Variants in AIM2 observed in about 807,000 individuals in gnomAD.
AIM2 encodes the protein interferon-inducible protein AIM2.
AIM2 carries 30 observed loss-of-function variants against 27.7 expected under a neutral mutation model. The ratio of observed to expected loss-of-function variants is 1.08; its 90% CI spans 0.81 to 1.47. The LOEUF is 1.47. Among genes scored for constraint, AIM2 ranks in the 40% most tolerant of loss-of-function variants. The pLI, the probability that AIM2 is intolerant of heterozygous loss-of-function variation, is 0.00. For missense variants in AIM2, 358 were observed against 411.3 expected, an observed-to-expected ratio of 0.87 and a Z score of 1.12; for synonymous variants, 141 against 145.3, an observed-to-expected ratio of 0.97 and a Z score of 0.21.
At chr1:159,133,549 A>G (rs1206043254) in intron 1 of AIM2, among the ~76,000 whole-genome samples, 2 of 151,896 alleles carry the variant, frequency 1.3e-5, no homozygotes, top group Non-Finnish European at 2.9e-5. Context: ...AACTCCCTCC[A>G]TCTGCTTTTT....
At chr1:159,061,031 T>C (rs1482117345), downstream of AIM2, among the ~76,000 whole-genome samples, 3 of 152,218 alleles carry the variant, frequency 2.0e-5, no homozygotes, top group African/African-American at 7.2e-5. Flanking sequence ...TTGCTCTGTA[T>C]CCTTCTCAGA....
intron 2 of AIM2, among the ~76,000 whole-genome samples, chr1:159,072,051 G>T (rs183999375): frequency 1.8e-4 from 28 of 152,330 alleles, no homozygotes; most frequent in African/African-American, 6.5e-4. Context: ...CAAAATAAAA[G>T]ATATTTCTAA....
intron 1 of AIM2, among the ~76,000 whole-genome samples, chr1:159,111,729 G>A (rs1408755592): frequency 6.7e-6 from 1 of 149,812 alleles, no homozygotes; most frequent in Non-Finnish European, 1.5e-5. Context: ...TTGGGAGGCC[G>A]AAGCGGGTGG....
chr1:159,139,633 G>A (rs1570985883), intron 1 of AIM2, among the ~76,000 whole-genome samples: 2 of 152,278 alleles, frequency 1.3e-5, no homozygotes, highest in Non-Finnish European at 2.9e-5. Flanking sequence ...GAAATGACAA[G>A]ACAAAATCAG....
At chr1:159,063,712 G>A in intron 4 of AIM2, 38 bp from the exon 5 acceptor site, 1 of 1,586,704 alleles carries the variant, frequency 6.3e-7, no homozygotes, top group African/African-American at 1.4e-5. Flanking sequence ...CTGATAATCG[G>A]ATTAATGAAT....
upstream of AIM2, among the ~76,000 whole-genome samples, chr1:159,141,775 TG>T (rs200010084): frequency 3.5e-4 from 52 of 150,478 alleles, no homozygotes; most frequent in African/African-American, 1.1e-3. Context: ...CTCTGAGCGG[TG>T]GGGGGGGACA....
chr1:159,071,034 T>C (rs912701826), intron 2 of AIM2, among the ~76,000 whole-genome samples: 42 of 152,368 alleles, frequency 2.8e-4, no homozygotes, highest in African/African-American at 9.6e-4. Context: ...TGCACATTGT[T>C]ACTGATTATT....
chr1:159,101,822 A>G (rs923723732), intron 1 of AIM2, among the ~76,000 whole-genome samples: 5 of 152,130 alleles, frequency 3.3e-5, no homozygotes, highest in African/African-American at 1.2e-4. Context: ...GGTGGGAGAA[A>G]TTTCTAAGTG....
At chr1:159,087,471 C>A (rs1481240603) in intron 1 of AIM2, among the ~76,000 whole-genome samples, 1 of 152,030 alleles carries the variant, frequency 6.6e-6, no homozygotes, top group African/African-American at 2.4e-5. Context: ...TTATAGCCCA[C>A]CATTTATATT....
chr1:159,067,886 T>C (rs974854119), intron 3 of AIM2, among the ~76,000 whole-genome samples: 6 of 152,122 alleles, frequency 3.9e-5, no homozygotes, highest in Non-Finnish European at 7.4e-5. Flanking sequence ...CCCTCAGGAC[T>C]AAAGTAATCA....
chr1:159,089,442 A>G (rs1420435297), intron 1 of AIM2, among the ~76,000 whole-genome samples: 4 of 152,234 alleles, frequency 2.6e-5, no homozygotes, highest in Non-Finnish European at 5.9e-5. Context: ...ATAAAAACCA[A>G]GGTAGATCAG....
intron 1 of AIM2, among the ~76,000 whole-genome samples, chr1:159,074,253 T>A (rs1442755324): frequency 6.6e-6 from 1 of 152,214 alleles, no homozygotes; most frequent in East Asian, 1.9e-4. Context: ...ATTTAAGAAA[T>A]CTTTTCCAAT....
upstream of AIM2, among the ~76,000 whole-genome samples, chr1:159,145,413 A>C (rs1034369125): frequency 1.3e-5 from 2 of 152,218 alleles, no homozygotes; most frequent in Non-Finnish European, 2.9e-5. Context: ...TGTCAGCCTG[A>C]CTGCAGATTG....
At chr1:159,141,992 C>T (rs535389927), upstream of AIM2, among the ~76,000 whole-genome samples, 1 of 152,304 alleles carries the variant, frequency 6.6e-6, no homozygotes, top group South Asian at 2.1e-4. Flanking sequence ...ACGAAAATCT[C>T]TCGATTCTCA....
intron 1 of AIM2, among the ~76,000 whole-genome samples, chr1:159,135,620 G>T (rs1293904529): frequency 6.6e-6 from 1 of 152,120 alleles, no homozygotes; most frequent in Non-Finnish European, 1.5e-5. Flanking sequence ...ATACATAATA[G>T]AAAATTTTTT....
At chr1:159,093,822 A>G (rs909633766) in intron 1 of AIM2, among the ~76,000 whole-genome samples, 3 of 150,162 alleles carry the variant, frequency 2.0e-5, no homozygotes, top group Non-Finnish European at 4.4e-5. Context: ...TGCAACCTCC[A>G]CCTCCCAGGT....
At chr1:159,108,147 A>T (rs910516752) in intron 1 of AIM2, among the ~76,000 whole-genome samples, 1 of 152,220 alleles carries the variant, frequency 6.6e-6, no homozygotes, top group East Asian at 1.9e-4. Flanking sequence ...AGATCCTAAA[A>T]TCCTTAACAA....
chr1:159,094,910 G>A (rs762326524), intron 1 of AIM2, among the ~76,000 whole-genome samples: 3 of 151,264 alleles, frequency 2.0e-5, no homozygotes, highest in Admixed American at 6.6e-5. Context: ...CTGCTTATGC[G>A]AAAAAGGTAA....
intron 3 of AIM2, 110 bp from the exon 4 acceptor site, chr1:159,066,439 A>T (rs940950205): frequency 8.8e-7 from 1 of 1,135,048 alleles, no homozygotes; most frequent in Non-Finnish European, 1.2e-6. Context: ...AGATAGGTGG[A>T]ATCAAGGGAA....
Sources: gnomAD v4.1 joint callset for allele counts (sites outside exome capture counted in the v4.1 genomes callset) on GRCh38, gnomAD v4.1.1 for gene constraint, MANE v1.5 for transcripts, NCBI Gene and HGNC (gene_info 2026-07-23, HGNC 2026-07-21) for gene names.